The following TBL1XR1 variants were observed in gnomAD, a reference collection of about 807,000 sequenced individuals.
The protein encoded by TBL1XR1 is F-box-like/WD repeat-containing protein TBL1XR1.
In TBL1XR1, 5 loss-of-function variants were observed where a neutral mutation model predicts 66.9. The observed-to-expected ratio is 0.07, with a 90% confidence interval of 0.04 to 0.16. The LOEUF (loss-of-function observed/expected upper bound fraction) is 0.16. TBL1XR1 is among the 10% of genes least tolerant of loss of function. The pLI is 1.00. For missense variants in TBL1XR1, 238 were observed against 623.2 expected, an observed-to-expected ratio of 0.38 and a Z score of 6.58; for synonymous variants, 210 against 206.0, an observed-to-expected ratio of 1.02 and a Z score of -0.17.
At chr3:177,087,149 A>G (rs1419073241) in intron 2 of TBL1XR1, 3 of 149,626 alleles carry the variant, frequency 2.0e-5, no homozygotes, top group Non-Finnish European at 3.0e-5. Context: ...GAACCCACAT[A>G]GTCCACACCT....
intron 2 of TBL1XR1, among the ~76,000 whole-genome samples, chr3:177,066,412 G>C (rs1350540464): frequency 6.6e-6 from 1 of 152,144 alleles, no homozygotes; most frequent in Non-Finnish European, 1.5e-5. Flanking sequence ...ACGAAAACAA[G>C]GGTGCTTGGG....
chr3:177,043,853 G>A (rs898804551), intron 10 of TBL1XR1, among the ~76,000 whole-genome samples: 6 of 151,854 alleles, frequency 4.0e-5, no homozygotes, highest in African/African-American at 1.5e-4. Flanking sequence ...ATTATTTTTA[G>A]TAGTGTTTTT....
chr3:177,174,762 C>G (rs149512260), intron 1 of TBL1XR1, among the ~76,000 whole-genome samples: 7 of 152,258 alleles, frequency 4.6e-5, no homozygotes, highest in Non-Finnish European at 7.4e-5. Context: ...AACTTTCTCC[C>G]CTGTCCAGAG....
intron 1 of TBL1XR1, among the ~76,000 whole-genome samples, chr3:177,182,808 G>A (rs1022665449): frequency 6.6e-5 from 10 of 152,146 alleles, no homozygotes; most frequent in African/African-American, 2.4e-4. Flanking sequence ...ACTTCATGCA[G>A]GCAACATGTT....
chr3:177,164,167 A>C (rs1560248909), intron 1 of TBL1XR1, among the ~76,000 whole-genome samples: 1 of 152,174 alleles, frequency 6.6e-6, no homozygotes, highest in Non-Finnish European at 1.5e-5. Context: ...CTTGTTCCAG[A>C]GCTGAGTAAA....
chr3:177,111,087 C>G (rs763246618), intron 1 of TBL1XR1, among the ~76,000 whole-genome samples: 2 of 152,208 alleles, frequency 1.3e-5, no homozygotes, highest in African/African-American at 4.8e-5. Context: ...GGCAGTATCA[C>G]GCCAGGCACA....
chr3:177,192,338 G>A (rs531211294), intron 1 of TBL1XR1, among the ~76,000 whole-genome samples: 7 of 150,308 alleles, frequency 4.7e-5, no homozygotes, highest in South Asian at 2.1e-4. Flanking sequence ...AGAGGAGATC[G>A]CGCCATTGCA....
intron 14 of TBL1XR1, chr3:177,026,962 G>C (rs894899494): frequency 6.6e-6 from 1 of 152,512 alleles, no homozygotes; most frequent in South Asian, 2.1e-4. Flanking sequence ...CAGTTCCTAA[G>C]CTAGGGGATT....
At chr3:177,099,853 A>T (rs1487316230) in intron 1 of TBL1XR1, among the ~76,000 whole-genome samples, 1 of 152,258 alleles carries the variant, frequency 6.6e-6, no homozygotes, top group Non-Finnish European at 1.5e-5. Flanking sequence ...TCTAAAAATC[A>T]ATGGAGCATT....
intron 1 of TBL1XR1, among the ~76,000 whole-genome samples, chr3:177,185,773 G>T (rs1158273846): frequency 6.6e-6 from 1 of 152,134 alleles, no homozygotes; most frequent in Non-Finnish European, 1.5e-5. Context: ...ACTTTGGGAG[G>T]CAGGAGGACT....
chr3:177,084,185 G>A (rs553536015), intron 2 of TBL1XR1, among the ~76,000 whole-genome samples: 3 of 151,832 alleles, frequency 2.0e-5, no homozygotes, highest in South Asian at 2.1e-4. Context: ...TTTAACAAAC[G>A]TATGTACCTG....
chr3:177,141,106 AAT>A (rs1230470655), intron 1 of TBL1XR1, among the ~76,000 whole-genome samples: 1 of 152,242 alleles, frequency 6.6e-6, no homozygotes, highest in African/African-American at 2.4e-5. Context: ...TTTCAAATGA[AAT>A]ATGTCCCATA....
At chr3:177,094,738 T>G (rs1372671820) in intron 2 of TBL1XR1, among the ~76,000 whole-genome samples, 1 of 152,162 alleles carries the variant, frequency 6.6e-6, no homozygotes, top group East Asian at 1.9e-4. Flanking sequence ...TAACGTTGCA[T>G]GTTCTCACTC....
intron 1 of TBL1XR1, among the ~76,000 whole-genome samples, chr3:177,122,499 T>C (rs1727096082): frequency 6.6e-6 from 1 of 152,144 alleles, no homozygotes; most frequent in Admixed American, 6.5e-5. Context: ...ATGTCAAATT[T>C]TACTCTATAC....
Position 177,134,658 on chromosome 3 carries a change from C to T in TBL1XR1, c.-121-36117G>A, listed in dbSNP as rs1014215357. On this transcript the variant is annotated intron_variant, in intron 1 of 15. Coordinates refer to ENST00000457928, the MANE Select transcript of TBL1XR1 (RefSeq NM_024665.7). ...ATTTAGCTGGTGGTAATTTAAGAGA[C>T]TCTGTTCCTTAAAATTTTTAAATAC... 2.6e-5 allele frequency among the ~76,000 whole-genome samples: 4 copies of T among 152,178 alleles called. No homozygotes were observed. In the East Asian group the frequency reaches 5.8e-4, roughly 22 times the overall value.
intron 7 of TBL1XR1, 51 bp from the exon 8 acceptor site, chr3:177,047,600 ATTG>A (rs1229609550): frequency 1.7e-5 from 27 of 1,545,686 alleles, no homozygotes; most frequent in African/African-American, 2.7e-5. Flanking sequence ...ACGGTATTTA[ATTG>A]TTGTTAAAGT....
intron 1 of TBL1XR1, among the ~76,000 whole-genome samples, chr3:177,114,752 G>C (rs114241995): frequency 1.3e-5 from 2 of 151,840 alleles, no homozygotes; most frequent in Non-Finnish European, 2.9e-5. Context: ...GAGATGGGAA[G>C]ATCGCTTAAG....
chr3:177,050,363 C>G, intron 6 of TBL1XR1, 115 bp downstream of exon 6: 4 of 1,369,566 alleles, frequency 2.9e-6, no homozygotes, highest in Non-Finnish European at 3.9e-6. Context: ...AAAAAATTTA[C>G]AGAGACAAAA....
At chr3:177,112,107 ATTTTTTTTTTT>A (rs71170852) in intron 1 of TBL1XR1, among the ~76,000 whole-genome samples, 1 of 37,666 alleles carries the variant, frequency 2.7e-5, no homozygotes, top group Admixed American at 4.0e-4. Context: ...ATATATATAT[ATTTTTTTTTTT>A]TTTTTTTGTG....
Sources: gnomAD v4.1 joint callset for allele counts (sites outside exome capture counted in the v4.1 genomes callset) on GRCh38, gnomAD v4.1.1 for gene constraint, MANE v1.5 for transcripts, NCBI Gene and HGNC (gene_info 2026-07-23, HGNC 2026-07-21) for gene names.